The following RYR2 variants were observed in gnomAD, a reference collection of about 807,000 sequenced individuals.
RYR2 encodes the protein ryanodine receptor 2.
A neutral mutation model predicts 601.1 loss-of-function variants in RYR2; 227 were observed. The ratio of observed to expected loss-of-function variants is 0.38; its 90% CI spans 0.34 to 0.42. The LOEUF is 0.42. Ranked by LOEUF, RYR2 falls within the 10% of genes least tolerant of loss-of-function variation. The pLI is 1.00. For missense variants in RYR2, 4,646 were observed against 6,156.5 expected (o/e 0.75, Z 8.21); for synonymous variants, 2,223 against 2,175.1 (o/e 1.02, Z -0.61).
At chr1:237,453,890 A>G (rs1658486418) in intron 14 of RYR2, among the ~76,000 whole-genome samples, 1 of 152,190 alleles carries the variant, frequency 6.6e-6, no homozygotes, top group Non-Finnish European at 1.5e-5. Flanking sequence ...ATTTTAATAT[A>G]TATTTACCGT....
At position 237,479,688 on chromosome 1, in the gene RYR2, G is replaced by A. The variant is rs549242261; in HGVS notation, c.1708+10501G>A. On this transcript the variant is annotated intron_variant, in intron 17 of 104. Coordinates refer to ENST00000366574, the MANE Select transcript of RYR2 (RefSeq NM_001035.3). ...TGCCAGCATTTCTGTGGGTACTGACGTTTCACAGGGAGACCCAGAGTCTTA... is the reference window on the plus strand; with the variant it reads ...TGCCAGCATTTCTGTGGGTACTGACATTTCACAGGGAGACCCAGAGTCTTA... Among the ~76,000 whole-genome samples, 22 of 152,302 alleles carry A rather than the reference G, an allele frequency of 1.4e-4. No individual in the cohort carries two copies. In the South Asian group the frequency reaches 3.9e-3, roughly 27 times the overall value.
At chr1:237,515,774 T>G (rs73112409) in intron 24 of RYR2, among the ~76,000 whole-genome samples, 86 of 4,458 alleles carry the variant, frequency 0.019, no homozygotes, top group African/African-American at 0.065. Flanking sequence ...TCCTTCCTCT[T>G]CTCCTTCCCC....
At chr1:237,064,766 T>A (rs1231313230) in intron 1 of RYR2, among the ~76,000 whole-genome samples, 80 of 147,612 alleles carry the variant, frequency 5.4e-4, no homozygotes, top group East Asian at 1.8e-3. Flanking sequence ...TTTTTTTTTT[T>A]TTTTTTTTTT....
intron 1 of RYR2, among the ~76,000 whole-genome samples, chr1:237,082,944 A>G (rs998688223): frequency 6.6e-6 from 1 of 152,118 alleles, no homozygotes; most frequent in Non-Finnish European, 1.5e-5. Context: ...AAGACTTGGA[A>G]ATTTTTAACA....
At chr1:237,258,083 C>T (rs1688163578) in intron 1 of RYR2, among the ~76,000 whole-genome samples, 1 of 150,744 alleles carries the variant, frequency 6.6e-6, no homozygotes, top group South Asian at 2.1e-4. Flanking sequence ...CAGGAGAATC[C>T]CTTGAACCCA....
At chr1:237,388,439 G>A (rs139753660) in intron 10 of RYR2, among the ~76,000 whole-genome samples, 2 of 152,146 alleles carry the variant, frequency 1.3e-5, no homozygotes, top group Non-Finnish European at 2.9e-5. Context: ...CAAAATTAAC[G>A]AAGTGAGAAG....
At chr1:237,105,434 C>A (rs1668555596) in intron 1 of RYR2, among the ~76,000 whole-genome samples, 2 of 152,268 alleles carry the variant, frequency 1.3e-5, no homozygotes, top group South Asian at 2.1e-4. Context: ...CAATGGCTTA[C>A]ACCTGTAATC....
chr1:237,703,378 C>T (rs916811324), intron 66 of RYR2, among the ~76,000 whole-genome samples: 1 of 151,370 alleles, frequency 6.6e-6, no homozygotes, highest in Non-Finnish European at 1.5e-5. Context: ...CATCTACTTG[C>T]TATTTTTTTC....
chr1:237,465,842 A>C (rs1379145161), intron 16 of RYR2, among the ~76,000 whole-genome samples: 1 of 152,242 alleles, frequency 6.6e-6, no homozygotes, highest in Non-Finnish European at 1.5e-5. Flanking sequence ...ATTTACGTAC[A>C]TAAGCATAGA....
chr1:237,275,550 C>A (rs1690186030), intron 2 of RYR2, among the ~76,000 whole-genome samples: 1 of 151,620 alleles, frequency 6.6e-6, no homozygotes, highest in Non-Finnish European at 1.5e-5. Context: ...AGTTTCATGG[C>A]CCCAATAACA....
Position 237,089,895 on chromosome 1 carries a change from G to A in RYR2, c.48+47326G>A, listed in dbSNP as rs555678425. On this transcript the variant is annotated intron_variant, in intron 1 of 104. Coordinates refer to ENST00000366574, the MANE Select transcript of RYR2 (RefSeq NM_001035.3). ...GCTGAATAAGGGCCTGTATTAGTCC[G>A]TTCTCATGCTGCTATGAAGAAATAC... Among the ~76,000 whole-genome samples the A allele has an allele frequency of 9.2e-5, 14 of 152,244 alleles. No individual in the cohort carries two copies. In the South Asian group the frequency reaches 1.5e-3, roughly 16 times the overall value.
chr1:237,691,683 A>G (rs1472069739), intron 63 of RYR2, among the ~76,000 whole-genome samples: 2 of 152,244 alleles, frequency 1.3e-5, no homozygotes, highest in East Asian at 1.9e-4. Flanking sequence ...AAGGAAGACA[A>G]GCGGTATTAC....
At chr1:237,752,110 A>G (rs1692582103) in intron 80 of RYR2, among the ~76,000 whole-genome samples, 1 of 152,182 alleles carries the variant, frequency 6.6e-6, no homozygotes, top group African/African-American at 2.4e-5. Context: ...ACTGTACTGG[A>G]TGTACAGTAT....
At chr1:237,485,658 C>A (rs1455718511) in intron 17 of RYR2, among the ~76,000 whole-genome samples, 3 of 152,112 alleles carry the variant, frequency 2.0e-5, no homozygotes, top group African/African-American at 7.2e-5. Flanking sequence ...TTCAAGAGGG[C>A]CTTGCCTGTC....
chr1:237,477,166 G>A (rs1482753468), intron 17 of RYR2, among the ~76,000 whole-genome samples: 2 of 152,182 alleles, frequency 1.3e-5, no homozygotes. Context: ...GCCGAGGCAG[G>A]CGGATCACGA....
chr1:237,516,684 T>TCA (rs1666581629), intron 24 of RYR2, among the ~76,000 whole-genome samples: 1 of 152,240 alleles, frequency 6.6e-6, no homozygotes, highest in Admixed American at 6.5e-5. Context: ...CCCCTGTATT[T>TCA]GCATTTAGGG....
intron 1 of RYR2, among the ~76,000 whole-genome samples, chr1:237,190,561 A>G (rs1381567591): frequency 6.6e-6 from 1 of 152,170 alleles, no homozygotes; most frequent in Non-Finnish European, 1.5e-5. Context: ...TTAACTGCAG[A>G]TTGAAACTAT....
chr1:237,119,303 G>A (rs868266165), intron 1 of RYR2, among the ~76,000 whole-genome samples: 5 of 152,208 alleles, frequency 3.3e-5, no homozygotes, highest in Admixed American at 6.5e-5. Flanking sequence ...CATCTCAGAT[G>A]TCCAGCCTCC....
At chr1:237,600,285 G>GA (rs1009258594) in intron 34 of RYR2, among the ~76,000 whole-genome samples, 35 of 149,092 alleles carry the variant, frequency 2.3e-4, no homozygotes, top group African/African-American at 7.1e-4. Flanking sequence ...AGAGAACCCA[G>GA]AAAAAAAAAC....
Sources: gnomAD v4.1 joint callset for allele counts (sites outside exome capture counted in the v4.1 genomes callset) on GRCh38, gnomAD v4.1.1 for gene constraint, MANE v1.5 for transcripts, NCBI Gene and HGNC (gene_info 2026-07-23, HGNC 2026-07-21) for gene names.